METTL15: variants seen among roughly 807,000 people sequenced by gnomAD.
METTL15 encodes methyltransferase 15, mitochondrial 12S rRNA N4-cytidine, also known as 12S rRNA N(4)-cytidine methyltransferase METTL15.
A neutral mutation model predicts 38.3 loss-of-function variants in METTL15; 34 were observed. The observed-to-expected ratio is 0.89, with a 90% CI of 0.68 to 1.18. METTL15 has a LOEUF of 1.18. METTL15 is among the 50% of genes most tolerant of loss of function. The probability of loss-of-function intolerance (pLI) is 0.00; values close to 1 mark genes in which losing one functional copy is unlikely to be tolerated. For missense variants in METTL15, 438 were observed against 498.4 expected (o/e 0.88, Z 1.15); for synonymous variants, 162 against 170.9 (o/e 0.95, Z 0.41).
rs747035859 is a variant in METTL15, at chr11:28,431,057, G to T, written c.*424+6693G>T. ...GGGGTCAGCCCCCTGCCCGGCCAGC[G>T]GCCCCGTCCGGGAGGTGAGGGGCGC... On this transcript the variant is annotated intron_variant and NMD_transcript_variant, in intron 6 of 7. Transcript: ENST00000532947. Among the ~76,000 whole-genome samples the T allele has an allele frequency of 1.1e-3, 5 of 4,546 alleles. 2 individuals carry two copies. Among genetic ancestry groups the T allele is most frequent in the African/African-American group, 1.6e-3 (3 of 1,886 alleles). 3.0% of individuals were successfully genotyped at this position (4,546 alleles called of 152,430 possible).
chr11:28,271,422 G>T (rs1211972053), intron 4 of METTL15, among the ~76,000 whole-genome samples: 1 of 152,142 alleles, frequency 6.6e-6, no homozygotes, highest in Non-Finnish European at 1.5e-5. Flanking sequence ...TCTAATTTAA[G>T]ATTGACATTG....
chr11:28,264,374 A>G (rs566078301), intron 4 of METTL15, among the ~76,000 whole-genome samples: 42 of 152,222 alleles, frequency 2.8e-4, no homozygotes, highest in Non-Finnish European at 5.7e-4. Flanking sequence ...AATTAAAGCA[A>G]TATAATTAGT....
chr11:28,401,067 G>A (rs2133404139), intron 5 of METTL15, among the ~76,000 whole-genome samples: 1 of 152,106 alleles, frequency 6.6e-6, no homozygotes, highest in Non-Finnish European at 1.5e-5. Context: ...AGATAGAGTT[G>A]TATTTGGCGT....
intron 4 of METTL15, among the ~76,000 whole-genome samples, chr11:28,233,757 G>A (rs1853797395): frequency 6.6e-6 from 1 of 151,814 alleles, no homozygotes; most frequent in South Asian, 2.1e-4. Flanking sequence ...TATGCCATCA[G>A]TTGTCTATAT....
intron 4 of METTL15, among the ~76,000 whole-genome samples, chr11:28,212,092 G>C (rs1021361841): frequency 2.6e-5 from 4 of 152,016 alleles, no homozygotes; most frequent in Admixed American, 6.6e-5. Flanking sequence ...AGTTTAATCA[G>C]ACACTAAGAA....
intron 5 of METTL15, among the ~76,000 whole-genome samples, chr11:28,369,171 A>G (rs1480549064): frequency 1.3e-5 from 2 of 151,942 alleles, no homozygotes; most frequent in Non-Finnish European, 2.9e-5. Context: ...ATAAAAATTT[A>G]TTAGTGAAGT....
downstream of METTL15, among the ~76,000 whole-genome samples, chr11:28,529,181 G>A (rs1400458483): frequency 6.6e-6 from 1 of 152,096 alleles, no homozygotes; most frequent in East Asian, 1.9e-4. Flanking sequence ...ACATGTCTCA[G>A]AAATCACAAG....
chr11:28,214,531 A>T (rs1852782614), intron 4 of METTL15, among the ~76,000 whole-genome samples: 1 of 152,208 alleles, frequency 6.6e-6, no homozygotes, highest in South Asian at 2.1e-4. Flanking sequence ...AATCAATGAT[A>T]GGTTGATAAG....
intron 6 of METTL15, among the ~76,000 whole-genome samples, chr11:28,318,407 C>T (rs375869782): frequency 5.3e-5 from 8 of 151,994 alleles, no homozygotes; most frequent in South Asian, 2.1e-4. Context: ...CTGGAGAAGA[C>T]AGCACATTAG....
chr11:28,140,820 C>T (rs530182230), intron 3 of METTL15, among the ~76,000 whole-genome samples: 43 of 152,244 alleles, frequency 2.8e-4, no homozygotes, highest in Middle Eastern at 3.4e-3. Context: ...AATTCCTTGT[C>T]GATTCACCCC....
intron 4 of METTL15, among the ~76,000 whole-genome samples, chr11:28,282,832 A>G (rs1404135955): frequency 3.9e-5 from 6 of 152,198 alleles, no homozygotes; most frequent in African/African-American, 1.4e-4. Context: ...TCAACCCACT[A>G]TCAAAAGAAT....
chr11:28,181,006 T>G (rs368219867), intron 3 of METTL15, among the ~76,000 whole-genome samples: 42 of 151,928 alleles, frequency 2.8e-4, no homozygotes, highest in African/African-American at 1.0e-3. Context: ...CAGTAGCCAC[T>G]GGGAGGTAAT....
At chr11:28,439,298 A>T (rs1851013252) in intron 6 of METTL15, among the ~76,000 whole-genome samples, 1 of 152,194 alleles carries the variant, frequency 6.6e-6, no homozygotes, top group Admixed American at 6.5e-5. Flanking sequence ...ATTGTGTGTT[A>T]CATAGTTCTG....
chr11:28,123,996 C>A, intron 3 of METTL15: 1 of 713,314 alleles, frequency 1.4e-6, no homozygotes, highest in Non-Finnish European at 2.1e-6. Flanking sequence ...GTTTATGAAG[C>A]ACTTTTATAT....
At chr11:28,343,824 CTTG>C (rs905992324) in intron 3 of METTL15, among the ~76,000 whole-genome samples, 6 of 152,114 alleles carry the variant, frequency 3.9e-5, no homozygotes, top group Non-Finnish European at 8.8e-5. Context: ...AAAAGTGCTT[CTTG>C]TTCTTGAAGA....
intron 5 of METTL15, among the ~76,000 whole-genome samples, chr11:28,413,702 G>A (rs1360957754): frequency 6.6e-6 from 1 of 152,078 alleles, no homozygotes; most frequent in Admixed American, 6.6e-5. Flanking sequence ...TCTTAATGTG[G>A]CTCATACTAG....
At chr11:28,485,932 CTCT>C (rs1298428051) in intron 6 of METTL15, among the ~76,000 whole-genome samples, 1 of 152,142 alleles carries the variant, frequency 6.6e-6, no homozygotes, top group Non-Finnish European at 1.5e-5. Context: ...ACCTGTCTTC[CTCT>C]TCTTTTTATA....
At chr11:28,316,939 T>C (rs1857500707) in intron 6 of METTL15, among the ~76,000 whole-genome samples, 2 of 152,180 alleles carry the variant, frequency 1.3e-5, no homozygotes, top group South Asian at 4.1e-4. Context: ...TTTTGTAAAT[T>C]GTGCAGACTC....
intron 4 of METTL15, among the ~76,000 whole-genome samples, chr11:28,219,253 T>C (rs1183089466): frequency 1.3e-5 from 2 of 152,178 alleles, no homozygotes; most frequent in African/African-American, 4.8e-5. Context: ...TATTGGTCTA[T>C]TCAGAGATTC....
Sources: gnomAD v4.1 joint callset for allele counts (sites outside exome capture counted in the v4.1 genomes callset) on GRCh38, gnomAD v4.1.1 for gene constraint, MANE v1.5 for transcripts, NCBI Gene and HGNC (gene_info 2026-07-23, HGNC 2026-07-21) for gene names.